PRRG1: variants seen among roughly 807,000 people sequenced by gnomAD.
PRRG1 encodes the protein transmembrane gamma-carboxyglutamic acid protein 1.
A neutral mutation model predicts 11.8 loss-of-function variants in PRRG1; 5 were observed. The observed-to-expected ratio is 0.42, with a 90% CI of 0.22 to 0.89. The LOEUF is 0.89. PRRG1 is among the 40% of genes least tolerant of loss of function. The probability of loss-of-function intolerance (pLI) is 0.28; values close to 1 mark genes in which losing one functional copy is unlikely to be tolerated. For synonymous variants in PRRG1, 66 were observed against 60.4 expected (o/e 1.09, Z -0.43); for missense variants, 155 against 166.1 (o/e 0.93, Z 0.37).
intron 1 of PRRG1, among the ~76,000 whole-genome samples, chrX:37,400,502 T>G (rs1444937590): frequency 6.3e-5 from 7 of 110,975 alleles, no homozygotes; most frequent in East Asian, 2.8e-4. Flanking sequence ...GGGAAATTTA[T>G]AGCACTAAAT....
At chrX:37,403,640 T>G (rs1932099123) in intron 1 of PRRG1, 3 of 414,699 alleles carry the variant, frequency 7.2e-6, no homozygotes, top group Non-Finnish European at 8.9e-6. Context: ...AATAATAAAA[T>G]AAAATAATAA....
At chrX:37,446,249 A>G (rs1933073424) in intron 3 of PRRG1, among the ~76,000 whole-genome samples, 1 of 112,169 alleles carries the variant, frequency 8.9e-6, no homozygotes, top group African/African-American at 3.2e-5. Context: ...TTACTCCTTC[A>G]TCCTTATTAA....
chrX:37,357,110 C>T (rs1334644042), intron 1 of PRRG1, among the ~76,000 whole-genome samples: 1 of 111,915 alleles, frequency 8.9e-6, no homozygotes, highest in Admixed American at 9.5e-5. Context: ...GATCCTTCTA[C>T]TGTCTCCATA....
At chrX:37,401,231 C>A (rs1276427716) in intron 1 of PRRG1, among the ~76,000 whole-genome samples, 15 of 110,769 alleles carry the variant, frequency 1.4e-4, no homozygotes, top group Non-Finnish European at 3.8e-5. Flanking sequence ...TGCAAAAATC[C>A]TCAATAAAAT....
At chrX:37,412,638 C>T (rs987609639) in intron 2 of PRRG1, among the ~76,000 whole-genome samples, 4 of 109,158 alleles carry the variant, frequency 3.7e-5, no homozygotes, top group Admixed American at 9.8e-5. Flanking sequence ...AACAGTAATA[C>T]GAATTTGCTT....
intron 1 of PRRG1, among the ~76,000 whole-genome samples, chrX:37,392,955 A>C (rs1318994667): frequency 2.7e-5 from 3 of 111,900 alleles, no homozygotes; most frequent in African/African-American, 9.7e-5. Context: ...GCACCTAAGC[A>C]TGTAGTAGAC....
At chrX:37,356,970 A>C (rs1930255223) in intron 1 of PRRG1, among the ~76,000 whole-genome samples, 1 of 111,149 alleles carries the variant, frequency 9.0e-6, no homozygotes, top group Admixed American at 9.5e-5. Flanking sequence ...CATCTTATGG[A>C]TTTGGATGAA....
intron 1 of PRRG1, among the ~76,000 whole-genome samples, chrX:37,382,815 G>C (rs1266580079): frequency 9.0e-6 from 1 of 111,036 alleles, no homozygotes; most frequent in Admixed American, 9.6e-5. Context: ...AACTAAAATA[G>C]GACATCATTA....
At chrX:37,373,334 G>A (rs781978676) in intron 1 of PRRG1, among the ~76,000 whole-genome samples, 21 of 111,999 alleles carry the variant, frequency 1.9e-4, no homozygotes, top group African/African-American at 6.5e-4. Context: ...TGTGAAAAAT[G>A]TCATTGAAAT....
chrX:37,445,915 C>T (rs1206803996), intron 3 of PRRG1, among the ~76,000 whole-genome samples: 1 of 112,467 alleles, frequency 8.9e-6, no homozygotes, highest in East Asian at 2.8e-4. Flanking sequence ...GTATGTAAGA[C>T]TAAGACTGTA....
intron 1 of PRRG1, among the ~76,000 whole-genome samples, chrX:37,357,148 G>T (rs1003190959): frequency 6.3e-5 from 7 of 111,390 alleles, no homozygotes; most frequent in African/African-American, 2.0e-4. Context: ...ATGTCATATA[G>T]TTGGAATTAT....
At chrX:37,395,385 C>T (rs1022314051) in intron 1 of PRRG1, among the ~76,000 whole-genome samples, 7 of 111,345 alleles carry the variant, frequency 6.3e-5, no homozygotes, top group Non-Finnish European at 1.1e-4. Flanking sequence ...GCGGCCAAGG[C>T]GGGCGAATCA....
chrX:37,430,040 C>T (rs1932810939), intron 3 of PRRG1, among the ~76,000 whole-genome samples: 1 of 111,989 alleles, frequency 8.9e-6, no homozygotes, highest in African/African-American at 3.2e-5. Flanking sequence ...TCCCACAGCA[C>T]GTGGGAATTC....
At chrX:37,421,152 G>A (rs1372843145) in intron 2 of PRRG1, among the ~76,000 whole-genome samples, 1 of 111,476 alleles carries the variant, frequency 9.0e-6, no homozygotes, top group African/African-American at 3.3e-5. Context: ...ATGGATGAGA[G>A]CTTATTTATT....
chrX:37,376,801 TA>T (rs1930977973), intron 1 of PRRG1, among the ~76,000 whole-genome samples: 1 of 106,656 alleles, frequency 9.4e-6, no homozygotes, highest in African/African-American at 3.4e-5. Flanking sequence ...ATTGTGGAGA[TA>T]ATCAGAAACC....
At chrX:37,377,059 C>A (rs1432136638) in intron 1 of PRRG1, among the ~76,000 whole-genome samples, 1 of 110,596 alleles carries the variant, frequency 9.0e-6, no homozygotes, top group Non-Finnish European at 1.9e-5. Context: ...TAAGTGTGAA[C>A]GTTTTGTTTA....
chrX:37,410,318 A>G (rs1556383452), intron 2 of PRRG1, among the ~76,000 whole-genome samples: 1 of 112,094 alleles, frequency 8.9e-6, no homozygotes, highest in Admixed American at 9.5e-5. Context: ...CTCATAAGAA[A>G]AAGTCTTATC....
intron 2 of PRRG1, among the ~76,000 whole-genome samples, chrX:37,423,941 T>G (rs1385131167): frequency 9.0e-6 from 1 of 111,297 alleles, no homozygotes; most frequent in Non-Finnish European, 1.9e-5. Context: ...ATACTTACCA[T>G]TGTTATAATT....
intron 3 of PRRG1, among the ~76,000 whole-genome samples, chrX:37,435,108 G>T (rs904301847): frequency 9.0e-6 from 1 of 110,714 alleles, no homozygotes; most frequent in Non-Finnish European, 1.9e-5. Flanking sequence ...TATTGGGCTG[G>T]AGTGTGGAGA....
Sources: allele counts gnomAD v4.1 joint callset (sites outside exome capture counted in the v4.1 genomes callset), GRCh38; gene constraint gnomAD v4.1.1; transcripts MANE v1.5; gene names NCBI Gene and HGNC (gene_info 2026-07-23, HGNC 2026-07-21).